ST18: variants seen among roughly 807,000 people sequenced by gnomAD.
The protein encoded by ST18 is suppression of tumorigenicity 18 protein.
A neutral mutation model predicts 110.0 loss-of-function variants in ST18; 50 were observed. That is an observed-to-expected ratio of 0.45 (90% CI 0.36 to 0.58). ST18 has a LOEUF of 0.58. Ranked by LOEUF, ST18 falls within the 20% of genes least tolerant of loss-of-function variation. The probability of loss-of-function intolerance (pLI) is 0.00; values close to 1 mark genes in which losing one functional copy is unlikely to be tolerated. For missense variants in ST18, 1,306 were observed against 1,280.1 expected (o/e 1.02, Z -0.31); for synonymous variants, 461 against 452.4 (o/e 1.02, Z -0.24).
intron 8 of ST18, among the ~76,000 whole-genome samples, chr8:52,202,432 AG>A (rs2078327369): frequency 6.6e-6 from 1 of 152,220 alleles, no homozygotes; most frequent in Admixed American, 6.5e-5. Flanking sequence ...TTTTAAATAT[AG>A]GTTTTTCCTT....
chr8:52,303,644 T>C (rs376893448), intron 2 of ST18, among the ~76,000 whole-genome samples: 3 of 152,326 alleles, frequency 2.0e-5, no homozygotes, highest in Admixed American at 6.5e-5. Context: ...ACATCACTTC[T>C]GTGATGTTCC....
chr8:52,241,788 C>T (rs1311410380), intron 2 of ST18, among the ~76,000 whole-genome samples: 4 of 152,144 alleles, frequency 2.6e-5, no homozygotes, highest in African/African-American at 7.2e-5. Context: ...AAATCATATT[C>T]AGCTGAAATA....
intron 10 of ST18, among the ~76,000 whole-genome samples, chr8:52,170,126 TAGAA>T (rs1370427972): frequency 6.6e-6 from 1 of 152,174 alleles, no homozygotes; most frequent in Non-Finnish European, 1.5e-5. Flanking sequence ...GTGTGCTACT[TAGAA>T]AGAAAAAAAT....
intron 2 of ST18, among the ~76,000 whole-genome samples, chr8:52,352,784 A>T (rs1441650244): frequency 6.6e-6 from 1 of 152,206 alleles, no homozygotes; most frequent in Non-Finnish European, 1.5e-5. Context: ...ACTGCGCAAA[A>T]CATTGCAGAG....
At chr8:52,300,946 T>C (rs1238042753) in intron 2 of ST18, among the ~76,000 whole-genome samples, 5 of 152,206 alleles carry the variant, frequency 3.3e-5, no homozygotes, top group Admixed American at 6.5e-5. Flanking sequence ...TAAAATGGAA[T>C]ATAACCACAA....
intron 2 of ST18, among the ~76,000 whole-genome samples, chr8:52,247,798 T>C (rs1189207759): frequency 1.3e-5 from 2 of 152,196 alleles, no homozygotes; most frequent in African/African-American, 4.8e-5. Context: ...AAAGGCATAA[T>C]GATGAGATGA....
chr8:52,328,250 A>C (rs1336620426), intron 2 of ST18, among the ~76,000 whole-genome samples: 1 of 152,196 alleles, frequency 6.6e-6, no homozygotes, highest in Non-Finnish European at 1.5e-5. Context: ...AGCAGCCTAG[A>C]GTAATAGGAC....
rs16917732 is a variant in ST18 at position 52,345,239 on chromosome 8, A to C, written c.-465+64089T>G. 9.8e-3 allele frequency among the ~76,000 whole-genome samples: 1,499 copies of C among 152,334 alleles called. 30 individuals are homozygous for C. Among genetic ancestry groups the C allele is most frequent in the African/African-American group, 0.034 (1,425 of 41,558 alleles). On this transcript the variant is annotated intron_variant, in intron 2 of 25. Transcript: ENST00000689386. ...TATCACTTACTTTTCAATTTAAAAGATAAACCTAGACTTGGGGATCTAGAT... is the reference window on the plus strand; with the variant it reads ...TATCACTTACTTTTCAATTTAAAAGCTAAACCTAGACTTGGGGATCTAGAT...
intron 8 of ST18, among the ~76,000 whole-genome samples, chr8:52,184,943 T>A (rs1232761356): frequency 1.3e-5 from 2 of 151,984 alleles, no homozygotes; most frequent in Admixed American, 6.6e-5. Context: ...GAAGTATGAA[T>A]CTGAATTAAG....
At chr8:52,134,777 A>T (rs917093048) in intron 19 of ST18, among the ~76,000 whole-genome samples, 2 of 152,180 alleles carry the variant, frequency 1.3e-5, no homozygotes, top group African/African-American at 2.4e-5. Flanking sequence ...TTAGTAAAAA[A>T]GTGGTTTTAT....
At chr8:52,321,228 G>A (rs959642073) in intron 2 of ST18, among the ~76,000 whole-genome samples, 1 of 152,150 alleles carries the variant, frequency 6.6e-6, no homozygotes, top group Non-Finnish European at 1.5e-5. Flanking sequence ...GGACAAGGGG[G>A]CGTGGCCAGG....
intron 2 of ST18, among the ~76,000 whole-genome samples, chr8:52,302,563 G>A (rs1031782563): frequency 6.6e-6 from 1 of 152,194 alleles, no homozygotes; most frequent in African/African-American, 2.4e-5. Context: ...CACTAGCAGG[G>A]AACTGGACTC....
At chr8:52,339,641 T>C (rs1278888534) in intron 2 of ST18, among the ~76,000 whole-genome samples, 2 of 152,138 alleles carry the variant, frequency 1.3e-5, no homozygotes, top group Non-Finnish European at 2.9e-5. Context: ...AGGTCTGAGG[T>C]CTAAAGACGG....
At chr8:52,151,967 T>C (rs1180103939) in intron 15 of ST18, among the ~76,000 whole-genome samples, 3 of 152,194 alleles carry the variant, frequency 2.0e-5, no homozygotes, top group East Asian at 3.9e-4. Context: ...ACAAGACTAA[T>C]ATATATTTTA....
intron 2 of ST18, among the ~76,000 whole-genome samples, chr8:52,331,956 C>G (rs1309452926): frequency 6.6e-6 from 1 of 151,994 alleles, no homozygotes; most frequent in Non-Finnish European, 1.5e-5. Context: ...TAATAAAAGT[C>G]AAGCAATTTT....
intron 2 of ST18, among the ~76,000 whole-genome samples, chr8:52,389,992 C>A (rs542167019): frequency 8.5e-5 from 13 of 152,110 alleles, no homozygotes; most frequent in Non-Finnish European, 1.3e-4. Flanking sequence ...GAGAGACATG[C>A]TTTACCACTT....
At chr8:52,374,749 G>C (rs1831583336) in intron 2 of ST18, among the ~76,000 whole-genome samples, 1 of 151,964 alleles carries the variant, frequency 6.6e-6, no homozygotes. Flanking sequence ...TGTTCTCATT[G>C]TTCAGCTCCC....
intron 2 of ST18, among the ~76,000 whole-genome samples, chr8:52,314,583 A>T (rs1236760693): frequency 2.0e-5 from 3 of 152,180 alleles, no homozygotes; most frequent in Admixed American, 2.0e-4. Context: ...ATCATGACTT[A>T]TAGCCCAGCT....
chr8:52,392,457 C>T lies in ST18; in HGVS notation c.-465+16871G>A, dbSNP rs72643895. ...ATGAGGTTAGCAAGAGAGATGCCTA[C>T]CAAGAGCTTAAGAATAGGGAAGACA... On this transcript the variant is annotated intron_variant, in intron 2 of 25. Transcript: ENST00000689386. 9.8e-3 allele frequency among the ~76,000 whole-genome samples: 1,483 copies of T among 151,954 alleles called. 20 individuals carry two copies. Among genetic ancestry groups the T allele is most frequent in the Non-Finnish European group, 0.017 (1,140 of 67,968 alleles).
Sources: allele counts gnomAD v4.1 joint callset (sites outside exome capture counted in the v4.1 genomes callset), GRCh38; gene constraint gnomAD v4.1.1; transcripts MANE v1.5; gene names NCBI Gene and HGNC (gene_info 2026-07-23, HGNC 2026-07-21).